The following ASH1L variants were observed in gnomAD, a reference collection of about 807,000 sequenced individuals.
ASH1L encodes the protein histone-lysine N-methyltransferase ASH1L.
ASH1L carries 23 observed loss-of-function variants against 269.0 expected under a neutral mutation model. The ratio of observed to expected loss-of-function variants is 0.09; its 90% CI spans 0.06 to 0.12. The LOEUF is 0.12. ASH1L is among the 10% of genes least tolerant of loss of function. The pLI is 1.00. For missense variants in ASH1L, 2,912 were observed against 3,567.8 expected, an observed-to-expected ratio of 0.82 and a Z score of 4.68; for synonymous variants, 1,187 against 1,253.5, an observed-to-expected ratio of 0.95 and a Z score of 1.12.
chr1:155,536,761 G>A (rs1401813677), intron 1 of ASH1L, among the ~76,000 whole-genome samples: 1 of 151,302 alleles, frequency 6.6e-6, no homozygotes, highest in African/African-American at 2.4e-5. Context: ...AAAAGAAAGA[G>A]GCCAGGCGCA....
intron 3 of ASH1L, among the ~76,000 whole-genome samples, chr1:155,475,761 A>T (rs149740858): frequency 5.3e-5 from 8 of 152,340 alleles, no homozygotes; most frequent in Non-Finnish European, 1.0e-4. Flanking sequence ...CTGTTTATCC[A>T]GTTAAATGTT....
intron 12 of ASH1L, among the ~76,000 whole-genome samples, chr1:155,369,324 G>A (rs1207625011): frequency 6.6e-6 from 1 of 152,046 alleles, no homozygotes; most frequent in East Asian, 1.9e-4. Context: ...GCAGGTGCCT[G>A]TAGTCCCAGC....
At chr1:155,352,907 AT>A (rs1212486154) in intron 16 of ASH1L, 49 bp from the exon 17 acceptor site, 1 of 1,527,972 alleles carries the variant, frequency 6.5e-7, no homozygotes. Context: ...GGAGCTCTAC[AT>A]GTCTTTCTCT....
intron 1 of ASH1L, among the ~76,000 whole-genome samples, chr1:155,545,978 G>A (rs1670785018): frequency 6.6e-6 from 1 of 152,034 alleles, no homozygotes; most frequent in South Asian, 2.1e-4. Context: ...CCAATGTGGT[G>A]AAACCCCATC....
At chr1:155,411,036 A>C (rs1168149198) in intron 6 of ASH1L, among the ~76,000 whole-genome samples, 1 of 152,242 alleles carries the variant, frequency 6.6e-6, no homozygotes, top group Non-Finnish European at 1.5e-5. Flanking sequence ...TAATAATGGT[A>C]TATCAATGTA....
At chr1:155,451,134 T>C (rs1363358162) in intron 4 of ASH1L, among the ~76,000 whole-genome samples, 2 of 149,748 alleles carry the variant, frequency 1.3e-5, no homozygotes, top group Non-Finnish European at 3.0e-5. Context: ...GAGGTAGAGG[T>C]TGCAGTGAGC....
At chr1:155,374,649 C>T (rs1425438444) in intron 10 of ASH1L, among the ~76,000 whole-genome samples, 1 of 151,998 alleles carries the variant, frequency 6.6e-6, no homozygotes, top group South Asian at 2.1e-4. Context: ...CCTTTTTTGG[C>T]TTTCCTCATT....
chr1:155,466,619 T>C (rs117868468), intron 3 of ASH1L, among the ~76,000 whole-genome samples: 1 of 152,350 alleles, frequency 6.6e-6, no homozygotes, highest in East Asian at 1.9e-4. Context: ...ACATGTGATA[T>C]TTTGTTACAT....
chr1:155,517,255 C>T (rs1018565156), intron 2 of ASH1L, among the ~76,000 whole-genome samples: 9 of 152,148 alleles, frequency 5.9e-5, no homozygotes, highest in African/African-American at 2.2e-4. Context: ...GAGACCAAGG[C>T]AGGAGGATCA....
In ASH1L at chr1:155,438,507, C is replaced by T; in HGVS notation, c.5648G>A (p.Gly1883Glu). The T allele has an allele frequency of 6.2e-7, 1 of 1,613,308 alleles. No homozygotes were observed. The change falls in exon 5 of 28, where the codon GGA (glycine) becomes GAA (glutamate). Residue 1883 changes from glycine to glutamate, a missense_variant. By Grantham distance (98) the Gly-to-Glu change is moderately conservative (BLOSUM62 -2). This residue lies in a region of ASH1L where 789 missense variants were observed against 897.6 expected (regional missense o/e 0.88). Coordinates refer to ENST00000392403, the MANE Select transcript of ASH1L (RefSeq NM_018489.3). ...VNPELNRDEE[G>E]AALHLSPDTV... Reference sequence around the variant, plus strand: ...GTCAGGACTGAGGTGCAGTGCTGCTCCTTCCTCGTCTCTGTTCAATTCTGG... The same window carrying T: ...GTCAGGACTGAGGTGCAGTGCTGCTTCTTCCTCGTCTCTGTTCAATTCTGG...
At chr1:155,555,708 G>C (rs1439752337) in intron 1 of ASH1L, among the ~76,000 whole-genome samples, 1 of 152,118 alleles carries the variant, frequency 6.6e-6, no homozygotes, top group Non-Finnish European at 1.5e-5. Flanking sequence ...GCAATGATGT[G>C]AACTATTTAC....
chr1:155,407,600 A>G (rs949129247), intron 6 of ASH1L, among the ~76,000 whole-genome samples: 5 of 152,166 alleles, frequency 3.3e-5, no homozygotes, highest in African/African-American at 1.2e-4. Context: ...AAAAATAAAA[A>G]CGTGGATGTA....
At chr1:155,445,040 G>A (rs1189184591) in intron 4 of ASH1L, among the ~76,000 whole-genome samples, 1 of 152,062 alleles carries the variant, frequency 6.6e-6, no homozygotes, top group African/African-American at 2.4e-5. Flanking sequence ...AAATTTCATA[G>A]GGGTATATGA....
chr1:155,415,943 G>C lies in ASH1L; in HGVS notation c.5829-20C>G. 1 of 1,429,396 alleles carries C rather than the reference G, an allele frequency of 7.0e-7. No individual in the cohort carries two copies. Among genetic ancestry groups the C allele is most frequent in the Non-Finnish European group, 9.2e-7 (1 of 1,085,392 alleles). The allele number at this position is 1,429,396 out of a possible 1,614,324, so 88.5% of individuals were successfully genotyped here. A position where few individuals can be genotyped will look rare whatever the true frequency, so the allele number is the denominator to read the frequency against. On this transcript the variant is annotated intron_variant, in intron 5 of 27. Coordinates refer to ENST00000392403, the MANE Select transcript of ASH1L (RefSeq NM_018489.3). ...TTAAAGCTAGAAAGAGAAGTTTAAA[G>C]ATAATTTTATTATGAAAAAAAAGTT...
At chr1:155,383,618 T>A (rs1417804237) in intron 7 of ASH1L, among the ~76,000 whole-genome samples, 1 of 152,242 alleles carries the variant, frequency 6.6e-6, no homozygotes, top group Admixed American at 6.6e-5. Context: ...TTTCTCAGAA[T>A]GTATCCTCAT....
At chr1:155,360,470 G>C (rs1654849253) in intron 12 of ASH1L, 61 bp from the exon 13 acceptor site, 1 of 1,007,010 alleles carries the variant, frequency 9.9e-7, no homozygotes, top group Non-Finnish European at 1.5e-6. Flanking sequence ...TTGAGACGGA[G>C]TCTCCCTCTG....
At chr1:155,458,429 C>CT (rs943013602) in intron 4 of ASH1L, among the ~76,000 whole-genome samples, 7 of 152,300 alleles carry the variant, frequency 4.6e-5, no homozygotes, top group Middle Eastern at 6.8e-3. Context: ...AAAAAACCAT[C>CT]TTTGGCTGGG....
chr1:155,496,301 C>T (rs1667150091), intron 2 of ASH1L, among the ~76,000 whole-genome samples: 1 of 152,200 alleles, frequency 6.6e-6, no homozygotes, highest in Non-Finnish European at 1.5e-5. Context: ...TTTTTCAGCT[C>T]CATTATACTC....
rs114432750 is a variant in ASH1L at position 155,370,672 on chromosome 1, G to C, written c.6540-22C>G. 2,912 of 1,613,422 alleles carry C rather than the reference G, an allele frequency of 1.8e-3. 23 individuals carry two copies. The highest frequency in any genetic ancestry group is 9.0e-4 in the Non-Finnish European group (1,065 of 1,179,434). The stretch of plus-strand genomic sequence containing the variant: ...GTTCCTAAAGAGAAGATAAATGATT[G>C]AAAGACAATTAAAGAGTAGCTGAAA... On this transcript the variant is annotated intron_variant, in intron 11 of 27. Transcript: ENST00000392403.
Sources: gnomAD v4.1 joint callset for allele counts (sites outside exome capture counted in the v4.1 genomes callset) on GRCh38, gnomAD v4.1.1 for gene constraint, gnomAD v4.1.1 regional missense constraint, MANE v1.5 for transcripts, NCBI Gene and HGNC (gene_info 2026-07-23, HGNC 2026-07-21) for gene names.